The following MARK4 variants were observed in gnomAD, a reference collection of about 807,000 sequenced individuals.
MARK4 encodes the protein MAP/microtubule affinity-regulating kinase 4.
A neutral mutation model predicts 81.5 loss-of-function variants in MARK4; 19 were observed. That is an observed-to-expected ratio of 0.23 (90% CI 0.16 to 0.34). MARK4 has a LOEUF of 0.34. Ranked by LOEUF, MARK4 falls within the 10% of genes least tolerant of loss-of-function variation. MARK4 has a pLI of 1.00. For synonymous variants in MARK4, 436 were observed against 439.0 expected, an observed-to-expected ratio of 0.99 and a Z score of 0.08; for missense variants, 772 against 1,058.8, an observed-to-expected ratio of 0.73 and a Z score of 3.76.
At position 45,294,451 on chromosome 19, in the gene MARK4, A is replaced by C. The variant is rs774443076; in HGVS notation, c.1597A>C (p.Ser533Arg). ...PSLLPNGKEN[S>R]SGTPRVPPAS... is the part of the protein sequence containing the mutation. The stretch of plus-strand genomic sequence containing the variant: ...ACTGTTGCCAAATGGGAAAGAAAAC[A>C]GGTACGGAGGGGGCAGCAACAGGGT... Residue 533 changes from serine (S) to arginine (R), a missense_variant and splice_region_variant, in exon 14 of 17, where the codon AGC (serine) becomes CGC (arginine). By Grantham distance (110) the Ser-to-Arg change is moderately radical. Transcript: ENST00000262891. 3.7e-6 allele frequency: 6 copies of C among 1,613,508 alleles called. No individual in the cohort carries two copies.
At chr19:45,260,543 A>G (rs1290481515) in intron 2 of MARK4, among the ~76,000 whole-genome samples, 1 of 150,326 alleles carries the variant, frequency 6.7e-6, no homozygotes, top group African/African-American at 2.5e-5. Context: ...AAAAAAATAC[A>G]AAAATTAGCT....
intron 2 of MARK4, among the ~76,000 whole-genome samples, chr19:45,259,436 G>T (rs35084628): frequency 1.4e-4 from 22 of 152,164 alleles, no homozygotes; most frequent in African/African-American, 4.3e-4. Flanking sequence ...CAATGTGTGC[G>T]TTGCTAAGGA....
intron 7 of MARK4, among the ~76,000 whole-genome samples, chr19:45,269,108 G>A (rs953891002): frequency 6.6e-5 from 10 of 152,176 alleles, no homozygotes; most frequent in Admixed American, 2.0e-4. Flanking sequence ...CTGGCGTGAC[G>A]GCTCACACCT....
chr19:45,265,688 T>C (rs2377324), intron 6 of MARK4, among the ~76,000 whole-genome samples: 36,784 of 143,830 alleles, frequency 0.26, 4,758 homozygotes, highest in Non-Finnish European at 0.3. Context: ...AGAGGAGTTG[T>C]GGGTGTGAGG....
At chr19:45,264,537 G>T in intron 4 of MARK4, 147 bp from the exon 5 acceptor site, 1 of 754,656 alleles carries the variant, frequency 1.3e-6, no homozygotes. Flanking sequence ...GGGCTGAGGA[G>T]TTTGGAAAAT....
At chr19:45,263,445 GA>G in intron 4 of MARK4, 78 bp downstream of exon 4, 2 of 1,586,994 alleles carry the variant, frequency 1.3e-6, no homozygotes, top group Non-Finnish European at 1.7e-6. Flanking sequence ...GCAGTGGTTA[GA>G]ATAGTTGGAG....
intron 2 of MARK4, among the ~76,000 whole-genome samples, chr19:45,259,767 C>A (rs1267031966): frequency 7.0e-6 from 1 of 143,260 alleles, no homozygotes; most frequent in Non-Finnish European, 1.5e-5. Context: ...AGAGTGAGAC[C>A]CTATCTCAAA....
At chr19:45,254,526 C>T (rs901005367) in intron 1 of MARK4, among the ~76,000 whole-genome samples, 1 of 152,230 alleles carries the variant, frequency 6.6e-6, no homozygotes, top group African/African-American at 2.4e-5. Context: ...AATCAGCAGG[C>T]CGGGGTTCGC....
Position 45,299,801 on chromosome 19 carries a change from C to A in MARK4, c.1878-10C>A. The A allele has an allele frequency of 6.3e-7, 1 of 1,595,146 alleles. No homozygotes were observed. The highest frequency in any genetic ancestry group is 8.6e-7 in the Non-Finnish European group (1 of 1,167,186). ...CAGATTAGACACTCTGTCCCCCTCC[C>A]CTCCCCTAGGGTCGCAGACGAACCT... is the stretch of plus-strand genomic sequence containing the variant. On this transcript the variant is annotated splice_polypyrimidine_tract_variant and intron_variant, in intron 15 of 16. Coordinates refer to ENST00000262891, the MANE Select transcript of MARK4 (RefSeq NM_001199867.2).
rs373740903 is a variant in MARK4, at chr19:45,278,295, T to G, written c.907-221T>G. 9.2e-5 allele frequency among the ~76,000 whole-genome samples: 14 copies of G among 152,106 alleles called. No homozygotes were observed. In the East Asian group the frequency reaches 1.9e-3, roughly 21 times the overall value. On this transcript the variant is annotated intron_variant, in intron 9 of 16. Transcript: ENST00000262891. The stretch of plus-strand genomic sequence containing the variant: ...TTAGCTAATGAGCTCCTAGGATGAT[T>G]ACAGGGTGCCAGGGACCCAGATGAT...
At chr19:45,300,383 C>T (rs1970953519) in intron 16 of MARK4, among the ~76,000 whole-genome samples, 2 of 134,494 alleles carry the variant, frequency 1.5e-5, no homozygotes, top group South Asian at 2.4e-4. Context: ...CTCATCCCAT[C>T]CACAACTCAA....
At chr19:45,252,281 C>T (rs879277047) in intron 1 of MARK4, among the ~76,000 whole-genome samples, 1 of 152,108 alleles carries the variant, frequency 6.6e-6, no homozygotes, top group African/African-American at 2.4e-5. Context: ...CCCCATCTTC[C>T]AAGCAGCCCT....
chr19:45,252,342 C>G (rs1399885333), intron 1 of MARK4, among the ~76,000 whole-genome samples: 1 of 152,156 alleles, frequency 6.6e-6, no homozygotes, highest in African/African-American at 2.4e-5. Context: ...TGGACCCTTT[C>G]TGGTCTCTTC....
At position 45,260,053 on chromosome 19, in the gene MARK4, C is replaced by T. The variant is rs181476525; in HGVS notation, c.252+864C>T. 4.1e-3 allele frequency among the ~76,000 whole-genome samples: 615 copies of T among 151,790 alleles called. 3 individuals carry two copies. Among genetic ancestry groups the T allele is most frequent in the African/African-American group, 0.014 (592 of 41,372 alleles). ...AGTGAGCCGAGATCATGCCACTGCA[C>T]TCCAGCCTGGGTGACAGAGTGAGAC... On this transcript the variant is annotated intron_variant, in intron 2 of 16. Coordinates refer to ENST00000262891, the MANE Select transcript of MARK4 (RefSeq NM_001199867.2).
chr19:45,278,152 C>A, intron 9 of MARK4, 110 bp downstream of exon 9: 1 of 1,469,916 alleles, frequency 6.8e-7, no homozygotes, highest in Non-Finnish European at 9.2e-7. Flanking sequence ...CTCTCCTGTG[C>A]CCACCGAAGA....
chr19:45,265,929 T>C (rs925111901), intron 6 of MARK4, among the ~76,000 whole-genome samples: 2 of 151,992 alleles, frequency 1.3e-5, no homozygotes, highest in Non-Finnish European at 2.9e-5. Context: ...GGGCGGCCTG[T>C]CTATCTACAG....
intron 1 of MARK4, among the ~76,000 whole-genome samples, chr19:45,253,574 G>A (rs573928053): frequency 4.6e-5 from 7 of 152,198 alleles, no homozygotes; most frequent in African/African-American, 1.7e-4. Context: ...CTGTGGGTAT[G>A]AGTCAGACAG....
intron 13 of MARK4, among the ~76,000 whole-genome samples, chr19:45,289,385 C>CAAA (rs35129419): frequency 2.1e-3 from 109 of 51,436 alleles, no homozygotes; most frequent in Non-Finnish European, 3.1e-3. Context: ...GACTCTGTTT[C>CAAA]AAAAAAAAAA....
intron 3 of MARK4, 31 bp from the exon 4 acceptor site, chr19:45,263,288 C>G: frequency 6.2e-7 from 1 of 1,614,174 alleles, no homozygotes; most frequent in South Asian, 1.1e-5. Context: ...CACCCTCACT[C>G]TCCTCTGTCT....
Sources: gnomAD v4.1 joint callset for allele counts (sites outside exome capture counted in the v4.1 genomes callset) on GRCh38, gnomAD v4.1.1 for gene constraint, MANE v1.5 for transcripts, NCBI Gene and HGNC (gene_info 2026-07-23, HGNC 2026-07-21) for gene names.